KDM3A: variants seen among roughly 807,000 people sequenced by gnomAD.
KDM3A encodes lysine-specific demethylase 3A.
A neutral mutation model predicts 158.0 loss-of-function variants in KDM3A; 60 were observed. The ratio of observed to expected loss-of-function variants is 0.38; its 90% CI spans 0.31 to 0.47. The LOEUF is 0.47. Ranked by LOEUF, KDM3A falls within the 20% of genes least tolerant of loss-of-function variation. KDM3A has a pLI of 0.99. For missense variants in KDM3A, 1,319 were observed against 1,574.3 expected (o/e 0.84, Z 2.74); for synonymous variants, 608 against 549.3 (o/e 1.11, Z -1.49).
At position 86,492,567 on chromosome 2, in the gene KDM3A, G is replaced by T. The variant is rs551128918; in HGVS notation, c.*448G>T. 6.4e-6 allele frequency: 1 copy of T among 156,336 alleles called. No individual in the cohort carries two copies. The highest frequency in any genetic ancestry group is 1.4e-5 in the Non-Finnish European group (1 of 70,448). 9.7% of individuals were successfully genotyped at this position (156,336 alleles called of 1,614,324 possible). On this transcript the variant is annotated 3_prime_UTR_variant, in exon 26 of 26. Coordinates refer to ENST00000312912, the MANE Select transcript of KDM3A (RefSeq NM_018433.6). ...GACAGCTAATGTTGCAGTTCTTATT[G>T]TATGGCATAGGACTGGCATTATATA...
chr2:86,466,369 C>T lies in KDM3A; in HGVS notation c.1008-3C>T, dbSNP rs756974200. The T allele has an allele frequency of 1.2e-6, 2 of 1,601,672 alleles. No homozygotes were observed. The highest frequency in any genetic ancestry group is 2.2e-5 in the East Asian group (1 of 44,750). On this transcript the variant is annotated splice_polypyrimidine_tract_variant and splice_region_variant and intron_variant, in intron 9 of 25. Transcript: ENST00000312912. ...TGCTAGCTTTCTATATTATATTTTT[C>T]AGATGTCATAAACAAAGTTTACCAG...
chr2:86,437,105 T>A (rs955787880), upstream of KDM3A, among the ~76,000 whole-genome samples: 1 of 152,160 alleles, frequency 6.6e-6, no homozygotes, highest in Non-Finnish European at 1.5e-5. Flanking sequence ...CTTATTTTCG[T>A]GAATGTTGGT....
intron 2 of KDM3A, among the ~76,000 whole-genome samples, chr2:86,444,729 A>G (rs182484173): frequency 1.3e-3 from 204 of 152,322 alleles, no homozygotes; most frequent in African/African-American, 4.5e-3. Flanking sequence ...CCATTCTTCT[A>G]TTATTAGGAC....
At chr2:86,460,621 C>G in intron 8 of KDM3A, among the ~76,000 whole-genome samples, 1 of 152,154 alleles carries the variant, frequency 6.6e-6, no homozygotes. Context: ...CCAGTGATAC[C>G]TGGCTCCTTG....
At chr2:86,452,386 A>T (rs1672506679) in intron 4 of KDM3A, among the ~76,000 whole-genome samples, 1 of 152,184 alleles carries the variant, frequency 6.6e-6, no homozygotes, top group Admixed American at 6.5e-5. Flanking sequence ...CTTTCAACAG[A>T]AACACATAAA....
upstream of KDM3A, among the ~76,000 whole-genome samples, chr2:86,439,724 C>T (rs970870825): frequency 6.6e-6 from 1 of 152,100 alleles, no homozygotes; most frequent in East Asian, 1.9e-4. Flanking sequence ...TCGTTCATAG[C>T]GTCACCTTAG....
chr2:86,441,645 C>G (rs1184229487), intron 1 of KDM3A, among the ~76,000 whole-genome samples: 1 of 150,840 alleles, frequency 6.6e-6, no homozygotes, highest in Non-Finnish European at 1.5e-5. Context: ...CGTGGGGCCG[C>G]CCGGGGCGGG....
intron 23 of KDM3A, chr2:86,490,008 C>G (rs1394518910): frequency 5.7e-6 from 1 of 176,254 alleles, no homozygotes; most frequent in Admixed American, 5.7e-5. Flanking sequence ...TTCAGACGTT[C>G]ATGTATCCTT....
chr2:86,464,170 C>T lies in KDM3A; in HGVS notation c.961C>T (p.Gln321Ter). ...SKDPRQQSTP[Q>*]AANSPPNLGA... ...GGACCCAAGACAGCAAAGTACTCCC[C>T]AGGCTGCCAACTCTCCACCTAACCT... Residue 321 changes from glutamine (Q) to a stop codon, truncating the protein, a stop_gained, in exon 9 of 26, where the codon CAG becomes TAG. Transcript: ENST00000312912. LOFTEE classifies it high-confidence loss of function. 2 of 1,611,548 alleles carry T rather than the reference C, an allele frequency of 1.2e-6. No homozygotes were observed. The highest frequency in any genetic ancestry group is 8.5e-7 in the Non-Finnish European group (1 of 1,178,356).
intron 2 of KDM3A, chr2:86,442,653 A>C (rs1291117913): frequency 6.4e-6 from 1 of 155,260 alleles, no homozygotes. Flanking sequence ...TAATTTATTC[A>C]CTCAACTTTT....
chr2:86,457,382 G>T (rs536971642), intron 8 of KDM3A, among the ~76,000 whole-genome samples: 1 of 152,064 alleles, frequency 6.6e-6, no homozygotes, highest in South Asian at 2.1e-4. Context: ...CGATCCTCCC[G>T]CCTCAGCTTC....
intron 11 of KDM3A, among the ~76,000 whole-genome samples, chr2:86,472,582 A>T (rs1254116487): frequency 6.6e-6 from 1 of 152,208 alleles, no homozygotes; most frequent in African/African-American, 2.4e-5. Context: ...AAAAACTTTC[A>T]TCTCTCATTT....
chr2:86,477,429 G>A (rs535277708), intron 12 of KDM3A, among the ~76,000 whole-genome samples: 1 of 152,160 alleles, frequency 6.6e-6, no homozygotes, highest in Admixed American at 6.5e-5. Flanking sequence ...CAGATTACTG[G>A]GTTTGTGGAT....
rs1682691370 is a variant in KDM3A, at chr2:86,441,370, CAA to C, written c.-104_-103del. The C allele has an allele frequency of 6.6e-6, 1 of 152,290 alleles. No individual in the cohort carries two copies. The highest frequency in any genetic ancestry group is 2.4e-5 in the African/African-American group (1 of 41,448). 9.4% of individuals were successfully genotyped at this position (152,290 alleles called of 1,614,324 possible). Reference sequence around the variant, plus strand: ...GCGTGTCTTGTGAGAGCTCTTGAACCAAGTCAGCGCTGGAGTCGGCTAGGCGG... The same window carrying C: ...GCGTGTCTTGTGAGAGCTCTTGAACCGTCAGCGCTGGAGTCGGCTAGGCGG... On this transcript the variant is annotated 5_prime_UTR_variant, in exon 1 of 26. Coordinates refer to ENST00000312912, the MANE Select transcript of KDM3A (RefSeq NM_018433.6).
At position 86,474,821 on chromosome 2, in the gene KDM3A, A is replaced by G. The variant is rs747702363; in HGVS notation, c.1770A>G (p.Leu590=). 2.1e-5 allele frequency: 34 copies of G among 1,612,826 alleles called. No individual in the cohort carries two copies. Among genetic ancestry groups the G allele is most frequent in the Non-Finnish European group, 2.8e-5 (33 of 1,179,708 alleles). ...KHGVLRVEGF[L]TPNKYDNEAI... is the part of the protein sequence containing the mutation. ...GTGTGTTGCGGGTAGAAGGCTTCTT[A>G]ACACCAAACAAGTATGACAATGAAG... Residue 590 remains leucine (L), a synonymous_variant, in exon 12 of 26, where the codon TTA becomes TTG. Transcript: ENST00000312912.
chr2:86,491,302 T>TCTTTGG (rs1318329336), intron 25 of KDM3A, 27 bp downstream of exon 25: 1 of 1,610,022 alleles, frequency 6.2e-7, no homozygotes, highest in African/African-American at 1.3e-5. Flanking sequence ...TTCCTAGCAT[T>TCTTTGG]CTTTGGCTAT....
chr2:86,462,497 A>G (rs1273462172), intron 8 of KDM3A, among the ~76,000 whole-genome samples: 1 of 152,182 alleles, frequency 6.6e-6, no homozygotes, highest in East Asian at 1.9e-4. Flanking sequence ...GAATAAACAA[A>G]TTTCCTCATT....
At chr2:86,441,903 C>T in intron 1 of KDM3A, 115 bp from the exon 2 acceptor site, 4 of 764,458 alleles carry the variant, frequency 5.2e-6, no homozygotes, top group Non-Finnish European at 7.9e-6. Flanking sequence ...TGCGGGTCCG[C>T]CCGGGGCCGC....
At position 86,470,281 on chromosome 2, in the gene KDM3A, G is replaced by A. The variant is rs1673343088; in HGVS notation, c.1597G>A (p.Asp533Asn). 1 of 1,614,094 alleles carries A rather than the reference G, an allele frequency of 6.2e-7. No individual in the cohort carries two copies. The highest frequency in any genetic ancestry group is 1.3e-5 in the African/African-American group (1 of 75,040). Residue 533 changes from aspartate to asparagine, a missense_variant, in exon 11 of 26, where the codon GAT becomes AAT. Physicochemically the swap from Asp to Asn is conservative, Grantham distance 23 (BLOSUM62 1). Transcript: ENST00000312912. ...LQQSGEAFVQDDSCVNIVAQL... is the reference protein window; with the variant it reads ...LQQSGEAFVQNDSCVNIVAQL... ...ACAGAGTGGCGAGGCCTTCGTACAGGATGATTCTTGTGTGAACATCGTGGC... is the reference window on the plus strand; with the variant it reads ...ACAGAGTGGCGAGGCCTTCGTACAGAATGATTCTTGTGTGAACATCGTGGC...
Sources: gnomAD v4.1 joint callset for allele counts (sites outside exome capture counted in the v4.1 genomes callset) on GRCh38, gnomAD v4.1.1 for gene constraint, MANE v1.5 for transcripts, NCBI Gene and HGNC (gene_info 2026-07-23, HGNC 2026-07-21) for gene names.